Variants in GLT1D1 observed in about 807,000 individuals in gnomAD.
GLT1D1 encodes the protein glycosyltransferase 1 domain containing 1.
Under a neutral mutation model 28.7 loss-of-function variants are expected in GLT1D1, and 21 were observed. That is an observed-to-expected ratio of 0.73 (90% CI 0.52 to 1.05). The LOEUF (loss-of-function observed/expected upper bound fraction) is 1.05. Among genes scored for constraint, GLT1D1 ranks in the 50% least tolerant of loss-of-function variants. The pLI, the probability that GLT1D1 is intolerant of heterozygous loss-of-function variation, is 0.00. For missense variants in GLT1D1, 343 were observed against 330.6 expected (o/e 1.04, Z -0.29); for synonymous variants, 147 against 124.8 (o/e 1.18, Z -1.19).
At chr12:128,978,111 C>A (rs555709317) in intron 7 of GLT1D1, among the ~76,000 whole-genome samples, 1 of 151,820 alleles carries the variant, frequency 6.6e-6, no homozygotes, top group South Asian at 2.1e-4. Context: ...AAATAATTTT[C>A]AAGAGTAGAT....
At chr12:128,969,558 G>T (rs1878829344) in intron 7 of GLT1D1, among the ~76,000 whole-genome samples, 1 of 152,186 alleles carries the variant, frequency 6.6e-6, no homozygotes, top group Non-Finnish European at 1.5e-5. Flanking sequence ...GCAGGGCCAG[G>T]ACGCGGGTGA....
chr12:128,899,877 C>T (rs979572191), intron 4 of GLT1D1, among the ~76,000 whole-genome samples: 8 of 151,996 alleles, frequency 5.3e-5, no homozygotes, highest in Non-Finnish European at 8.8e-5. Context: ...GTTCTCAGAT[C>T]GGGTGATTTA....
chr12:128,963,303 G>A (rs1385439930), intron 7 of GLT1D1, among the ~76,000 whole-genome samples: 1 of 152,140 alleles, frequency 6.6e-6, no homozygotes, highest in African/African-American at 2.4e-5. Context: ...GAGTGGGGTT[G>A]ATTCCAGGGT....
chr12:128,854,719 A>C (rs1231588716), intron 1 of GLT1D1, among the ~76,000 whole-genome samples: 1 of 151,556 alleles, frequency 6.6e-6, no homozygotes. Flanking sequence ...TTGGTCTCGA[A>C]CTCCTGCCCT....
At position 128,887,494 on chromosome 12, in the gene GLT1D1, T is replaced by TACAC. The variant is rs58713965; in HGVS notation, c.218-1119_218-1116dup. On this transcript the variant is annotated intron_variant, in intron 2 of 7. Transcript: ENST00000281703. ...TTTTTGGCCAGTCTTTCTATGTGAG[T>TACAC]ACACACACACACACACACACACACA... Among the ~76,000 whole-genome samples, 64 of 145,654 alleles carry TACAC rather than the reference T, an allele frequency of 4.4e-4. 1 individual carries two copies. The highest frequency in any genetic ancestry group is 1.4e-3 in the East Asian group (7 of 4,946).
intron 1 of GLT1D1, among the ~76,000 whole-genome samples, chr12:128,869,324 C>G (rs1041999625): frequency 1.3e-5 from 2 of 152,066 alleles, no homozygotes; most frequent in African/African-American, 2.4e-5. Context: ...CGTGAACCAC[C>G]ACGCCTGGCT....
At chr12:128,973,803 G>T (rs1457490697) in intron 7 of GLT1D1, among the ~76,000 whole-genome samples, 1 of 152,104 alleles carries the variant, frequency 6.6e-6, no homozygotes, top group Non-Finnish European at 1.5e-5. Flanking sequence ...CGTCTGGAAA[G>T]TGAGCGAATG....
intron 1 of GLT1D1, among the ~76,000 whole-genome samples, chr12:128,855,617 G>A (rs1956198214): frequency 6.6e-6 from 1 of 151,852 alleles, no homozygotes; most frequent in South Asian, 2.1e-4. Context: ...CCCGATAGAG[G>A]GTTCTTGGAT....
At chr12:128,881,587 TATATATAA>T (rs1442768199) in intron 2 of GLT1D1, among the ~76,000 whole-genome samples, 3 of 112,360 alleles carry the variant, frequency 2.7e-5, no homozygotes, top group Non-Finnish European at 3.5e-5. Flanking sequence ...TATATATATA[TATATATAA>T]AATTTATAGA....
At chr12:128,975,792 C>G (rs901381079) in intron 7 of GLT1D1, among the ~76,000 whole-genome samples, 19 of 152,158 alleles carry the variant, frequency 1.2e-4, no homozygotes, top group African/African-American at 4.6e-4. Context: ...AAGTGAGCCC[C>G]TAACTGTAAC....
chr12:128,877,865 T>C (rs1165540581), intron 2 of GLT1D1, among the ~76,000 whole-genome samples: 1 of 152,194 alleles, frequency 6.6e-6, no homozygotes, highest in Non-Finnish European at 1.5e-5. Flanking sequence ...GGCTGCAGTC[T>C]TATCTGGTGG....
intron 4 of GLT1D1, among the ~76,000 whole-genome samples, chr12:128,907,399 G>A (rs549937948): frequency 6.6e-6 from 1 of 150,708 alleles, no homozygotes; most frequent in African/African-American, 2.4e-5. Flanking sequence ...TCTGCCTCCC[G>A]GGTTCACGCC....
At chr12:128,977,779 CT>C (rs1163954822) in intron 7 of GLT1D1, among the ~76,000 whole-genome samples, 5,744 of 22,818 alleles carry the variant, frequency 0.25, 343 homozygotes, top group African/African-American at 0.36. Flanking sequence ...TTTCTTTTTT[CT>C]TTTTTTTTTT....
intron 7 of GLT1D1, among the ~76,000 whole-genome samples, chr12:128,962,584 C>T (rs552467607): frequency 6.6e-6 from 1 of 152,266 alleles, no homozygotes; most frequent in Non-Finnish European, 1.5e-5. Context: ...CAGGTGCAAC[C>T]CTAGGGACCT....
chr12:128,907,696 TTTTG>T (rs1313332604), intron 4 of GLT1D1, among the ~76,000 whole-genome samples: 1 of 152,336 alleles, frequency 6.6e-6, no homozygotes, highest in South Asian at 2.1e-4. Flanking sequence ...GTGTGGGTTT[TTTTG>T]TTTGTTTGTT....
intron 4 of GLT1D1, among the ~76,000 whole-genome samples, chr12:128,933,433 T>C (rs1239781059): frequency 1.3e-5 from 2 of 152,278 alleles, no homozygotes; most frequent in East Asian, 1.9e-4. Flanking sequence ...TTAAAAACTG[T>C]CCCGGGCTGC....
At chr12:128,873,513 C>A (rs1593062172) in intron 1 of GLT1D1, among the ~76,000 whole-genome samples, 1 of 152,158 alleles carries the variant, frequency 6.6e-6, no homozygotes, top group African/African-American at 2.4e-5. Context: ...CACATATATC[C>A]AAGTCCATCT....
intron 7 of GLT1D1, among the ~76,000 whole-genome samples, chr12:128,963,998 G>T (rs1878214795): frequency 6.6e-6 from 1 of 152,218 alleles, no homozygotes; most frequent in African/African-American, 2.4e-5. Flanking sequence ...CAGTCCTAGA[G>T]GCTGCAAGTC....
intron 2 of GLT1D1, among the ~76,000 whole-genome samples, chr12:128,878,528 T>C (rs1302090644): frequency 6.6e-6 from 1 of 152,256 alleles, no homozygotes; most frequent in Non-Finnish European, 1.5e-5. Flanking sequence ...TGAACTGTTT[T>C]CTGTATATGC....
Sources: gnomAD v4.1 joint callset for allele counts (sites outside exome capture counted in the v4.1 genomes callset) on GRCh38, gnomAD v4.1.1 for gene constraint, MANE v1.5 for transcripts, NCBI Gene and HGNC (gene_info 2026-07-23, HGNC 2026-07-21) for gene names.